The following SPOCK1 variants were observed in gnomAD, a reference collection of about 807,000 sequenced individuals.
The protein encoded by SPOCK1 is SPARC (osteonectin), cwcv and kazal like domains proteoglycan 1.
Under a neutral mutation model 55.3 loss-of-function variants are expected in SPOCK1, and 23 were observed. The ratio of observed to expected loss-of-function variants is 0.42; its 90% CI spans 0.30 to 0.59. The LOEUF (loss-of-function observed/expected upper bound fraction) is 0.59. Ranked by LOEUF, SPOCK1 falls within the 20% of genes least tolerant of loss-of-function variation. The pLI, the probability that SPOCK1 is intolerant of heterozygous loss-of-function variation, is 0.22. For synonymous variants in SPOCK1, 226 were observed against 221.0 expected (o/e 1.02, Z -0.20); for missense variants, 499 against 552.5 (o/e 0.90, Z 0.97).
chr5:137,188,676 C>G (rs1426883458), intron 3 of SPOCK1, among the ~76,000 whole-genome samples: 2 of 144,570 alleles, frequency 1.4e-5, no homozygotes, highest in African/African-American at 5.0e-5. Context: ...ATTAATAACA[C>G]TACAATGGGC....
At chr5:137,464,813 C>T (rs1753566702) in intron 2 of SPOCK1, among the ~76,000 whole-genome samples, 1 of 152,094 alleles carries the variant, frequency 6.6e-6, no homozygotes, top group African/African-American at 2.4e-5. Context: ...AGGAGAATAA[C>T]CTGGACTGGA....
intron 3 of SPOCK1, among the ~76,000 whole-genome samples, chr5:137,233,849 G>T (rs1478426226): frequency 2.0e-5 from 3 of 149,706 alleles, no homozygotes; most frequent in Non-Finnish European, 3.0e-5. Context: ...TATGTGATCT[G>T]CCAATAGGCA....
At chr5:137,136,392 CA>C (rs199631108) in intron 4 of SPOCK1, among the ~76,000 whole-genome samples, 16 of 150,194 alleles carry the variant, frequency 1.1e-4, no homozygotes, top group Non-Finnish European at 1.9e-4. Context: ...GAGACTGTCT[CA>C]AAAAAAAATT....
At chr5:137,042,549 G>A (rs1433858602) in intron 6 of SPOCK1, among the ~76,000 whole-genome samples, 1 of 152,138 alleles carries the variant, frequency 6.6e-6, no homozygotes, top group Non-Finnish European at 1.5e-5. Context: ...GTGCTGACCT[G>A]TGTAGTTTTG....
chr5:137,325,880 C>T (rs1324816228), intron 2 of SPOCK1, among the ~76,000 whole-genome samples: 1 of 152,172 alleles, frequency 6.6e-6, no homozygotes, highest in Non-Finnish European at 1.5e-5. Flanking sequence ...GCCACACAGA[C>T]ATGTGGGAGT....
At chr5:137,351,472 A>G (rs1750677135) in intron 2 of SPOCK1, among the ~76,000 whole-genome samples, 2 of 152,314 alleles carry the variant, frequency 1.3e-5, no homozygotes, top group South Asian at 4.1e-4. Flanking sequence ...CTTGTTGTCC[A>G]TCTCCTCCTG....
At chr5:137,149,146 A>G (rs1287837967) in intron 3 of SPOCK1, among the ~76,000 whole-genome samples, 3 of 152,226 alleles carry the variant, frequency 2.0e-5, no homozygotes, top group Non-Finnish European at 4.4e-5. Flanking sequence ...TTAAGAAACA[A>G]TAGTGACCAG....
intron 5 of SPOCK1, among the ~76,000 whole-genome samples, chr5:137,100,069 G>C (rs551688587): frequency 5.9e-5 from 9 of 152,070 alleles, no homozygotes; most frequent in African/African-American, 2.2e-4. Flanking sequence ...TCTATCATAC[G>C]GCTGGATTTC....
Position 137,146,160 on chromosome 5 carries a change from G to A in SPOCK1, c.233-5466C>T, listed in dbSNP as rs137941084. On this transcript the variant is annotated intron_variant, in intron 3 of 10. Coordinates refer to ENST00000394945, the MANE Select transcript of SPOCK1 (RefSeq NM_004598.4). ...GAACAGACACACTACATATATTCTC[G>A]TCCGCCAAATGACAGAGGACATCAG... 3.5e-4 allele frequency among the ~76,000 whole-genome samples: 53 copies of A among 152,250 alleles called. No individual in the cohort carries two copies. In the East Asian group the frequency reaches 9.3e-3, roughly 27 times the overall value.
intron 6 of SPOCK1, among the ~76,000 whole-genome samples, chr5:137,038,219 T>A (rs1463978070): frequency 1.3e-5 from 2 of 152,188 alleles, no homozygotes; most frequent in Non-Finnish European, 2.9e-5. Context: ...CTGAGACTCA[T>A]GAAAGACCTT....
At chr5:137,108,255 A>G (rs1033345184) in intron 5 of SPOCK1, among the ~76,000 whole-genome samples, 7 of 152,188 alleles carry the variant, frequency 4.6e-5, no homozygotes, top group African/African-American at 1.7e-4. Context: ...ACCAGACTGA[A>G]ATAGCCCCCT....
chr5:137,487,192 G>T (rs1161811916), intron 2 of SPOCK1, among the ~76,000 whole-genome samples: 1 of 152,106 alleles, frequency 6.6e-6, no homozygotes, highest in African/African-American at 2.4e-5. Context: ...CTGGGGAAAA[G>T]AACATTTGAG....
At chr5:137,165,727 A>G (rs1156459328) in intron 3 of SPOCK1, among the ~76,000 whole-genome samples, 6 of 152,226 alleles carry the variant, frequency 3.9e-5, no homozygotes, top group Non-Finnish European at 8.8e-5. Context: ...AAATAATTTA[A>G]AAGAATCAAG....
chr5:137,221,044 G>C (rs1425056049), intron 3 of SPOCK1, among the ~76,000 whole-genome samples: 1 of 152,120 alleles, frequency 6.6e-6, no homozygotes, highest in Non-Finnish European at 1.5e-5. Context: ...TGCTTAAATA[G>C]GTGTGTCTCA....
At chr5:137,356,876 G>GAGAGAGAGAGAGAGAGAC (rs1385760545) in intron 2 of SPOCK1, among the ~76,000 whole-genome samples, 1 of 128,914 alleles carries the variant, frequency 7.8e-6, no homozygotes, top group Non-Finnish European at 1.7e-5. Context: ...GAGAGAGAGA[G>GAGAGAGAGAGAGAGAGAC]TATGCAGACC....
At chr5:137,321,942 A>T (rs1246124629) in intron 2 of SPOCK1, among the ~76,000 whole-genome samples, 1 of 152,178 alleles carries the variant, frequency 6.6e-6, no homozygotes, top group Non-Finnish European at 1.5e-5. Flanking sequence ...ATTAAGAAAA[A>T]TTAAAGGCTT....
intron 2 of SPOCK1, among the ~76,000 whole-genome samples, chr5:137,345,743 T>C (rs1409835775): frequency 1.3e-5 from 2 of 152,172 alleles, no homozygotes; most frequent in Non-Finnish European, 2.9e-5. Flanking sequence ...GTTGAGTATT[T>C]TACACATTAA....
intron 2 of SPOCK1, among the ~76,000 whole-genome samples, chr5:137,298,110 G>A (rs1757522432): frequency 6.6e-6 from 1 of 152,062 alleles, no homozygotes. Context: ...TCTAAAACAG[G>A]AATAGTTGTA....
At chr5:137,472,353 C>G (rs1181493105) in intron 2 of SPOCK1, among the ~76,000 whole-genome samples, 1 of 151,980 alleles carries the variant, frequency 6.6e-6, no homozygotes, top group Admixed American at 6.6e-5. Context: ...GGGGCTCAAA[C>G]CTTAAAAGAA....
Sources: gnomAD v4.1 joint callset for allele counts (sites outside exome capture counted in the v4.1 genomes callset) on GRCh38, gnomAD v4.1.1 for gene constraint, MANE v1.5 for transcripts, NCBI Gene and HGNC (gene_info 2026-07-23, HGNC 2026-07-21) for gene names.